Variants in BACH2 observed in about 807,000 individuals in gnomAD.
The protein encoded by BACH2 is transcription regulator protein BACH2.
In BACH2, 5 loss-of-function variants were observed where a neutral mutation model predicts 61.8. The ratio of observed to expected loss-of-function variants is 0.08; its 90% confidence interval spans 0.04 to 0.17. BACH2 has a LOEUF of 0.17. Ranked by LOEUF, BACH2 falls within the 10% of genes least tolerant of loss-of-function variation. BACH2 has a pLI of 1.00. For synonymous variants in BACH2, 446 were observed against 440.1 expected (o/e 1.01, Z -0.17); for missense variants, 824 against 1,091.1 (o/e 0.76, Z 3.45).
chr6:90,019,233 T>C (rs1297581658), intron 5 of BACH2, among the ~76,000 whole-genome samples: 2 of 152,352 alleles, frequency 1.3e-5, no homozygotes, highest in East Asian at 3.9e-4. Flanking sequence ...ATAAGGGACA[T>C]CTCATTTTTC....
At chr6:90,115,643 T>C (rs1267168057) in intron 4 of BACH2, among the ~76,000 whole-genome samples, 1 of 151,994 alleles carries the variant, frequency 6.6e-6, no homozygotes, top group Non-Finnish European at 1.5e-5. Flanking sequence ...CCAAGAGCAA[T>C]TGCAACAAAA....
At chr6:90,133,233 A>C (rs1784137461) in intron 4 of BACH2, among the ~76,000 whole-genome samples, 1 of 152,184 alleles carries the variant, frequency 6.6e-6, no homozygotes, top group Non-Finnish European at 1.5e-5. Context: ...TTAAATAAGG[A>C]CTTATTTTTA....
chr6:90,137,973 A>AT (rs1379862540), intron 4 of BACH2, among the ~76,000 whole-genome samples: 2 of 152,150 alleles, frequency 1.3e-5, no homozygotes, highest in Non-Finnish European at 2.9e-5. Flanking sequence ...ACAATAAAAC[A>AT]TAAGAAGTGG....
intron 2 of BACH2, among the ~76,000 whole-genome samples, chr6:90,253,205 T>C (rs914833265): frequency 6.6e-6 from 1 of 152,056 alleles, no homozygotes; most frequent in Non-Finnish European, 1.5e-5. Flanking sequence ...GATTGCGCCA[T>C]TGTACTCCAA....
chr6:90,154,223 A>T (rs1784917014), intron 4 of BACH2, among the ~76,000 whole-genome samples: 1 of 152,192 alleles, frequency 6.6e-6, no homozygotes, highest in Non-Finnish European at 1.5e-5. Context: ...CCAGAAGTAG[A>T]GGAAATGCAG....
intron 4 of BACH2, among the ~76,000 whole-genome samples, chr6:90,189,856 CAG>C (rs1768506060): frequency 1.3e-5 from 2 of 152,180 alleles, no homozygotes; most frequent in South Asian, 2.1e-4. Context: ...GCTCTCCAAA[CAG>C]AGACTATGGC....
At chr6:90,293,592 A>T (rs1263000251) in intron 1 of BACH2, among the ~76,000 whole-genome samples, 1 of 152,240 alleles carries the variant, frequency 6.6e-6, no homozygotes, top group African/African-American at 2.4e-5. Flanking sequence ...AGATCTGAAC[A>T]TGAACCTGAC....
At chr6:89,957,318 T>C (rs1774477813) in intron 6 of BACH2, among the ~76,000 whole-genome samples, 1 of 152,256 alleles carries the variant, frequency 6.6e-6, no homozygotes, top group South Asian at 2.1e-4. Context: ...AGCAGCATGC[T>C]AGACATTTAG....
chr6:90,094,717 C>T (rs1782311020), intron 4 of BACH2, among the ~76,000 whole-genome samples: 1 of 152,198 alleles, frequency 6.6e-6, no homozygotes. Flanking sequence ...TTTTGCTCAG[C>T]ATCCCAAGGG....
At position 90,014,493 on chromosome 6, in the gene BACH2, T is replaced by TA. The variant is rs1582199164; in HGVS notation, c.-12-5638dup. 9.9e-5 allele frequency among the ~76,000 whole-genome samples: 12 copies of TA among 121,440 alleles called. No homozygotes were observed. In the East Asian group the frequency reaches 3.1e-3, roughly 31 times the overall value. 79.7% of individuals were successfully genotyped at this position (121,440 alleles called of 152,430 possible). A position where few individuals can be genotyped will look rare whatever the true frequency, so the allele number is the denominator to read the frequency against. ...ATTTTTTTTTTTTTTTTTTTTTTTTTAGACAGATTCTTGCTCTGTTGCCAG... is the reference window on the plus strand; with the variant it reads ...ATTTTTTTTTTTTTTTTTTTTTTTTTAAGACAGATTCTTGCTCTGTTGCCAG... On this transcript the variant is annotated intron_variant, in intron 5 of 8. Transcript: ENST00000257749.
intron 4 of BACH2, among the ~76,000 whole-genome samples, chr6:90,121,442 G>A (rs907225616): frequency 6.6e-6 from 1 of 151,762 alleles, no homozygotes; most frequent in Non-Finnish European, 1.5e-5. Flanking sequence ...TTTTCTTAAC[G>A]GTTATTATTT....
At chr6:90,078,509 A>C (rs1781574824) in intron 5 of BACH2, among the ~76,000 whole-genome samples, 1 of 152,176 alleles carries the variant, frequency 6.6e-6, no homozygotes, top group Non-Finnish European at 1.5e-5. Flanking sequence ...GAAACACTGA[A>C]CCAGAGGCTG....
chr6:90,275,764 T>C (rs981807187), intron 1 of BACH2, among the ~76,000 whole-genome samples: 1 of 152,022 alleles, frequency 6.6e-6, no homozygotes, highest in African/African-American at 2.4e-5. Context: ...ACATCTGAGG[T>C]CAGAAGTTCG....
intron 4 of BACH2, among the ~76,000 whole-genome samples, chr6:90,160,954 G>A (rs1237258926): frequency 6.6e-6 from 1 of 152,114 alleles, no homozygotes; most frequent in Non-Finnish European, 1.5e-5. Context: ...TGGGCGTGGT[G>A]GCGTGCGCTT....
At chr6:90,194,075 T>G (rs1453201150) in intron 4 of BACH2, among the ~76,000 whole-genome samples, 3 of 152,176 alleles carry the variant, frequency 2.0e-5, no homozygotes, top group Non-Finnish European at 4.4e-5. Context: ...TAATTTTTTT[T>G]TTTTGAAATT....
At chr6:90,270,889 A>T (rs780450771) in intron 2 of BACH2, among the ~76,000 whole-genome samples, 1 of 152,236 alleles carries the variant, frequency 6.6e-6, no homozygotes, top group Non-Finnish European at 1.5e-5. Flanking sequence ...ACATAGACCA[A>T]TGGAACAGAA....
intron 5 of BACH2, among the ~76,000 whole-genome samples, chr6:90,021,074 T>G (rs1473518664): frequency 1.3e-5 from 2 of 152,036 alleles, no homozygotes; most frequent in African/African-American, 2.4e-5. Context: ...CCCAATCATC[T>G]CATCATATGG....
At chr6:90,123,024 A>G (rs1219438246) in intron 4 of BACH2, among the ~76,000 whole-genome samples, 4 of 152,260 alleles carry the variant, frequency 2.6e-5, no homozygotes, top group Non-Finnish European at 4.4e-5. Flanking sequence ...GAGGTCCCCA[A>G]CAATACAGGT....
intron 5 of BACH2, among the ~76,000 whole-genome samples, chr6:90,015,844 A>G (rs758517955): frequency 5.3e-5 from 8 of 152,220 alleles, no homozygotes; most frequent in Admixed American, 1.3e-4. Context: ...AGGTTCCGTC[A>G]TGTATTGAGA....
Sources: gnomAD v4.1 joint callset for allele counts (sites outside exome capture counted in the v4.1 genomes callset) on GRCh38, gnomAD v4.1.1 for gene constraint, MANE v1.5 for transcripts, NCBI Gene and HGNC (gene_info 2026-07-23, HGNC 2026-07-21) for gene names.